The following NTAQ1 variants were observed in gnomAD, a reference collection of about 807,000 sequenced individuals.
NTAQ1 encodes N-terminal glutamine amidase 1.
A neutral mutation model predicts 28.2 loss-of-function variants in NTAQ1; 21 were observed. The observed-to-expected ratio is 0.74, with a 90% CI of 0.53 to 1.07. NTAQ1 has a LOEUF of 1.07. Ranked by LOEUF, NTAQ1 falls within the 50% of genes least tolerant of loss-of-function variation. NTAQ1 has a pLI of 0.00. For synonymous variants in NTAQ1, 105 were observed against 90.0 expected (o/e 1.17, Z -0.94); for missense variants, 264 against 256.6 (o/e 1.03, Z -0.20).
At chr8:123,420,110 T>C (rs573398556) in intron 1 of NTAQ1, among the ~76,000 whole-genome samples, 4 of 152,122 alleles carry the variant, frequency 2.6e-5, no homozygotes, top group African/African-American at 9.7e-5. Flanking sequence ...GTTTCCTTTT[T>C]TGTGTCCATG....
chr8:123,430,611 C>T (rs895221146), intron 3 of NTAQ1, among the ~76,000 whole-genome samples: 3 of 152,178 alleles, frequency 2.0e-5, no homozygotes, highest in African/African-American at 7.2e-5. Flanking sequence ...AACTCCGTCT[C>T]TACTAAAAAA....
chr8:123,470,431 G>A (rs570016645), downstream of NTAQ1, among the ~76,000 whole-genome samples: 17 of 152,226 alleles, frequency 1.1e-4, no homozygotes, highest in Non-Finnish European at 2.1e-4. Context: ...AAAGGGATGA[G>A]GCCCTACAGG....
chr8:123,449,944 T>TGTGTGTGTGTGC (rs1815432236), downstream of NTAQ1, among the ~76,000 whole-genome samples: 3 of 26,722 alleles, frequency 1.1e-4, no homozygotes, highest in South Asian at 8.4e-3. Flanking sequence ...TGTGTGTGTG[T>TGTGTGTGTGTGC]GTGTGCATAT....
exon 7 of NTAQ1, among the ~76,000 whole-genome samples, chr8:123,469,219 GT>G (rs1234258811): frequency 1.3e-5 from 2 of 152,268 alleles, no homozygotes; most frequent in Admixed American, 6.5e-5. Context: ...AAGTTTTTAA[GT>G]TTGATATAAT....
At chr8:123,470,819 T>G (rs2130446874), downstream of NTAQ1, among the ~76,000 whole-genome samples, 1 of 152,310 alleles carries the variant, frequency 6.6e-6, no homozygotes, top group South Asian at 2.1e-4. Context: ...TGTTTGGTGG[T>G]AATCCTTGGT....
chr8:123,455,381 C>T (rs552156473), intron 6 of NTAQ1, among the ~76,000 whole-genome samples: 1 of 151,758 alleles, frequency 6.6e-6, no homozygotes, highest in South Asian at 2.1e-4. Flanking sequence ...TAGTGAGCAA[C>T]CACTTGTGTT....
chr8:123,460,204 G>A (rs1402809545), intron 6 of NTAQ1, among the ~76,000 whole-genome samples: 5 of 152,102 alleles, frequency 3.3e-5, no homozygotes, highest in African/African-American at 1.2e-4. Flanking sequence ...TAATATGTAT[G>A]GAGTACTCAT....
At chr8:123,461,683 T>C (rs905127902) in intron 6 of NTAQ1, among the ~76,000 whole-genome samples, 2 of 152,204 alleles carry the variant, frequency 1.3e-5, no homozygotes, top group Non-Finnish European at 2.9e-5. Flanking sequence ...ACTATGACCT[T>C]GATAACTTTG....
chr8:123,419,677 T>C (rs35680076), intron 1 of NTAQ1, among the ~76,000 whole-genome samples: 135,188 of 150,346 alleles, frequency 0.9, 60,911 homozygotes, highest in East Asian at 0.99. Context: ...ACCCCTGGAG[T>C]GTCCCAACCT....
intron 6 of NTAQ1, among the ~76,000 whole-genome samples, chr8:123,460,852 A>G (rs1332246124): frequency 6.6e-6 from 1 of 152,158 alleles, no homozygotes; most frequent in Non-Finnish European, 1.5e-5. Context: ...GTTGCAAAGG[A>G]AGCAAGGAGA....
At chr8:123,442,825 TGCC>T, downstream of NTAQ1, among the ~76,000 whole-genome samples, 1 of 150,328 alleles carries the variant, frequency 6.7e-6, no homozygotes, top group Non-Finnish European at 1.5e-5. Flanking sequence ...TGCGCCACCA[TGCC>T]CAGCGAATTT....
intron 1 of NTAQ1, 37 bp from the exon 2 acceptor site, chr8:123,427,887 G>A (rs767516842): frequency 8.0e-6 from 12 of 1,506,648 alleles, no homozygotes; most frequent in Non-Finnish European, 1.1e-5. Flanking sequence ...CACATAGAAT[G>A]TTCTCTAATC....
At chr8:123,435,168 G>A (rs1258222132) in intron 3 of NTAQ1, among the ~76,000 whole-genome samples, 1 of 152,114 alleles carries the variant, frequency 6.6e-6, no homozygotes. Context: ...GAAGAACTCA[G>A]AGCACCACAT....
At chr8:123,458,328 A>T (rs1815715581) in intron 6 of NTAQ1, among the ~76,000 whole-genome samples, 1 of 152,060 alleles carries the variant, frequency 6.6e-6, no homozygotes, top group African/African-American at 2.4e-5. Context: ...AAGAGCAAGA[A>T]AAGCCAAAAG....
At chr8:123,423,870 TTTATTA>T (rs71310681) in intron 1 of NTAQ1, among the ~76,000 whole-genome samples, 1 of 149,436 alleles carries the variant, frequency 6.7e-6, no homozygotes, top group Non-Finnish European at 1.5e-5. Context: ...CTTTGTAGTT[TTTATTA>T]TTATTATTAT....
intron 6 of NTAQ1, among the ~76,000 whole-genome samples, chr8:123,456,990 A>C (rs2385216): frequency 6.6e-6 from 1 of 152,294 alleles, no homozygotes; most frequent in East Asian, 1.9e-4. Context: ...AGGCTTATCA[A>C]CTGGGGGCTG....
At chr8:123,431,783 G>C (rs943431956) in intron 3 of NTAQ1, among the ~76,000 whole-genome samples, 1 of 152,308 alleles carries the variant, frequency 6.6e-6, no homozygotes, top group African/African-American at 2.4e-5. Context: ...GCTTAAATGA[G>C]GTAATGCACA....
the NTAQ1 span, among the ~76,000 whole-genome samples, chr8:123,475,086 AT>A: frequency 1.7e-4 from 26 of 151,924 alleles, no homozygotes; most frequent in South Asian, 5.2e-3. Context: ...TCCCTCATTT[AT>A]TTTTTTATAT....
rs1815085478 is a variant in NTAQ1 at position 123,441,854 on chromosome 8, A to C, written c.*439A>C. On this transcript the variant is annotated 3_prime_UTR_variant, in exon 6 of 6. Transcript: ENST00000287387. ...AGGTGCCCATAAAATGTTTTCTTGA[A>C]CATTTGAATGTGCTGTTGTCTGGAA... The C allele has an allele frequency of 6.1e-6, 1 of 163,008 alleles. No homozygotes were observed. Among genetic ancestry groups the C allele is most frequent in the African/African-American group, 2.4e-5 (1 of 41,760 alleles). The allele number at this position is 163,008 out of a possible 1,614,324, so 10.1% of individuals were successfully genotyped here.
Sources: allele counts gnomAD v4.1 joint callset (sites outside exome capture counted in the v4.1 genomes callset), GRCh38; gene constraint gnomAD v4.1.1; transcripts MANE v1.5; gene names NCBI Gene and HGNC (gene_info 2026-07-23, HGNC 2026-07-21).